The following KIF11 variants were observed in gnomAD, a reference collection of about 807,000 sequenced individuals.
The protein encoded by KIF11 is kinesin family member 11, also known as kinesin-like protein KIF11.
A neutral mutation model predicts 121.0 loss-of-function variants in KIF11; 9 were observed. The ratio of observed to expected loss-of-function variants is 0.07; its 90% CI spans 0.04 to 0.13. The LOEUF (loss-of-function observed/expected upper bound fraction) is 0.13, where lower values mean the gene tolerates loss of function less well. KIF11 is among the 10% of genes least tolerant of loss of function. KIF11 has a pLI of 1.00. For missense variants in KIF11, 846 were observed against 1,217.5 expected (o/e 0.69, Z 4.54); for synonymous variants, 408 against 421.0 (o/e 0.97, Z 0.38).
At chr10:92,646,372 G>A (rs1045916576) in intron 18 of KIF11, among the ~76,000 whole-genome samples, 36 of 152,240 alleles carry the variant, frequency 2.4e-4, no homozygotes, top group Admixed American at 2.1e-3. Flanking sequence ...TGAACTTAAC[G>A]CTTGCATGAG....
At chr10:92,616,564 G>A (rs1844559563) in intron 8 of KIF11, among the ~76,000 whole-genome samples, 173 bp from the exon 9 acceptor site, 1 of 152,118 alleles carries the variant, frequency 6.6e-6, no homozygotes, top group Non-Finnish European at 1.5e-5. Context: ...GGGAAAAAAG[G>A]ATTGAACAAC....
intron 1 of KIF11, among the ~76,000 whole-genome samples, chr10:92,602,960 T>C (rs77197318): frequency 7.1e-4 from 108 of 151,334 alleles, no homozygotes; most frequent in East Asian, 3.2e-3. Flanking sequence ...GTTCAAGCGA[T>C]TCTCCTGTCT....
Position 92,650,464 on chromosome 10 carries a change from T to C in KIF11, c.2986T>C (p.Ser996Pro). ...TGAAGAACCTCTAAGTCAAGAGCCA[T>C]CTGTAGATGCTGGTGTGGATTGTTC... The part of the protein sequence containing the change: ...YTEEPLSQEP[S>P]VDAGVDCSSI... Residue 996 changes from serine (S) to proline (P), a missense_variant, in exon 21 of 22, where the codon TCT (serine) becomes CCT (proline). Ser to Pro is a moderately conservative substitution (Grantham distance 74). Coordinates refer to ENST00000260731, the MANE Select transcript of KIF11 (RefSeq NM_004523.4). 1.2e-6 allele frequency: 2 copies of C among 1,613,818 alleles called. No individual in the cohort carries two copies. Among genetic ancestry groups the C allele is most frequent in the Admixed American group, 3.3e-5 (2 of 60,026 alleles).
chr10:92,650,138 T>C, intron 20 of KIF11, 152 bp downstream of exon 20: 4 of 627,792 alleles, frequency 6.4e-6, no homozygotes, highest in Non-Finnish European at 1.1e-5. Context: ...TCTTTTAATC[T>C]TACTAGTTTT....
At chr10:92,640,232 A>G (rs894388984) in intron 17 of KIF11, among the ~76,000 whole-genome samples, 1 of 152,208 alleles carries the variant, frequency 6.6e-6, no homozygotes, top group Non-Finnish European at 1.5e-5. Flanking sequence ...GGGTTTGGCA[A>G]ACTGTGGCTA....
intron 17 of KIF11, among the ~76,000 whole-genome samples, chr10:92,643,555 A>ATTTTTTTTTTTTT (rs368633432): frequency 8.1e-6 from 1 of 123,460 alleles, no homozygotes; most frequent in African/African-American, 3.3e-5. Context: ...TATCTACTAG[A>ATTTTTTTTTTTTT]TTTTTTTTTT....
At chr10:92,603,579 T>C (rs1403452396) in intron 1 of KIF11, among the ~76,000 whole-genome samples, 1 of 152,170 alleles carries the variant, frequency 6.6e-6, no homozygotes, top group African/African-American at 2.4e-5. Flanking sequence ...TTCGAACTTC[T>C]GACCTCAAGT....
At chr10:92,603,263 C>CTTTTTTTTTTTTTTTTTT (rs368046931) in intron 1 of KIF11, among the ~76,000 whole-genome samples, 3 of 109,172 alleles carry the variant, frequency 2.7e-5, no homozygotes, top group African/African-American at 3.7e-5. Flanking sequence ...CTTTTCTTTT[C>CTTTTTTTTTTTTTTTTTT]TTTTTTTTTT....
Position 92,649,883 on chromosome 10 carries a change from G to A in KIF11, c.2819G>A (p.Arg940Lys). 1 of 1,613,172 alleles carries A rather than the reference G, an allele frequency of 6.2e-7. No individual in the cohort carries two copies. The highest frequency in any genetic ancestry group is 1.3e-5 in the African/African-American group (1 of 75,010). ...TATTTATACCCATCAACACTGGTAA[G>A]AACTGAACCACGTGAACATCTCCTT... The part of the protein sequence containing the change: ...KSYLYPSTLV[R>K]TEPREHLLDQ... The change falls in exon 20 of 22, where the codon AGA (arginine) becomes AAA (lysine). Residue 940 changes from arginine (R) to lysine (K), a missense_variant. Coordinates refer to ENST00000260731, the MANE Select transcript of KIF11 (RefSeq NM_004523.4).
chr10:92,647,732 C>T (rs942452309), intron 18 of KIF11, among the ~76,000 whole-genome samples: 1 of 152,140 alleles, frequency 6.6e-6, no homozygotes, highest in Non-Finnish European at 1.5e-5. Flanking sequence ...AATGTCTGTA[C>T]TCCACTTGTT....
chr10:92,598,199 T>C (rs530188955), intron 1 of KIF11, among the ~76,000 whole-genome samples: 1 of 152,342 alleles, frequency 6.6e-6, no homozygotes, highest in African/African-American at 2.4e-5. Flanking sequence ...GCTTTTGCCT[T>C]ATGTTTTCTT....
At chr10:92,616,293 C>T (rs570738697) in intron 8 of KIF11, among the ~76,000 whole-genome samples, 12 of 151,642 alleles carry the variant, frequency 7.9e-5, no homozygotes, top group African/African-American at 1.9e-4. Flanking sequence ...AACCTCCTGG[C>T]CTTAAGTGAT....
chr10:92,619,030 A>T (rs1844591375), intron 9 of KIF11, among the ~76,000 whole-genome samples: 1 of 151,690 alleles, frequency 6.6e-6, no homozygotes, highest in Non-Finnish European at 1.5e-5. Flanking sequence ...TTATTTATTT[A>T]TTTTGAGATG....
chr10:92,619,435 C>A (rs1009300871), intron 9 of KIF11, among the ~76,000 whole-genome samples: 1 of 152,170 alleles, frequency 6.6e-6, no homozygotes, highest in East Asian at 1.9e-4. Flanking sequence ...TCTGCTATTA[C>A]AAACAAAACT....
At chr10:92,608,826 G>T (rs113632587) in intron 4 of KIF11, among the ~76,000 whole-genome samples, 194 bp from the exon 5 acceptor site, 45 of 152,298 alleles carry the variant, frequency 3.0e-4, no homozygotes, top group African/African-American at 1.1e-3. Context: ...GGTTTATGGA[G>T]GGTGTGAAGA....
rs1179907982 is a variant in KIF11, at chr10:92,630,237, A to G, written c.1367A>G (p.Asn456Ser). 3 of 1,609,176 alleles carry G rather than the reference A, an allele frequency of 1.9e-6. No individual in the cohort carries two copies. Among genetic ancestry groups the G allele is most frequent in the East Asian group, 4.5e-5 (2 of 44,754 alleles). ...ELDQCKSDLQ[N>S]KTQELETTQK... Reference sequence around the variant, plus strand: ...GACCAGTGTAAATCTGACCTGCAAAATAAAACACAAGAACTTGAAACCACT... The same window carrying G: ...GACCAGTGTAAATCTGACCTGCAAAGTAAAACACAAGAACTTGAAACCACT... The change falls in exon 12 of 22, where the codon AAT (asparagine) becomes AGT (serine). Residue 456 changes from asparagine to serine, a missense_variant. By Grantham distance (46) the Asn-to-Ser change is conservative. Transcript: ENST00000260731.
At position 92,593,364 on chromosome 10, in the gene KIF11, G is replaced by T. The variant is rs759607487; in HGVS notation, c.-12G>T. 2.1e-5 allele frequency: 33 copies of T among 1,603,930 alleles called. No homozygotes were observed. The highest frequency in any genetic ancestry group is 2.6e-5 in the Non-Finnish European group (31 of 1,176,052). On this transcript the variant is annotated 5_prime_UTR_variant, in exon 1 of 22. Coordinates refer to ENST00000260731, the MANE Select transcript of KIF11 (RefSeq NM_004523.4). Reference sequence around the variant, plus strand: ...TCCGCGGCCGGGCCTTGATTTTTTGGCGGGGACCGTCATGGCGTCGCAGCC... The same window carrying T: ...TCCGCGGCCGGGCCTTGATTTTTTGTCGGGGACCGTCATGGCGTCGCAGCC...
chr10:92,638,306 G>C (rs1255495467), intron 16 of KIF11, among the ~76,000 whole-genome samples: 2 of 152,098 alleles, frequency 1.3e-5, no homozygotes, highest in Non-Finnish European at 2.9e-5. Flanking sequence ...AGGAAACTGA[G>C]ACCCTGTGAG....
At chr10:92,622,999 C>G (rs7898027) in intron 10 of KIF11, among the ~76,000 whole-genome samples, 5,354 of 152,276 alleles carry the variant, frequency 0.035, 352 homozygotes, top group African/African-American at 0.12. Context: ...ATCTTTATCA[C>G]TCGGTTATCT....
Sources: allele counts gnomAD v4.1 joint callset (sites outside exome capture counted in the v4.1 genomes callset), GRCh38; gene constraint gnomAD v4.1.1; transcripts MANE v1.5; gene names NCBI Gene and HGNC (gene_info 2026-07-23, HGNC 2026-07-21).